NRG1: variants seen among roughly 807,000 people sequenced by gnomAD.
NRG1 encodes the protein neuregulin 1.
NRG1 carries 18 observed loss-of-function variants against 63.8 expected under a neutral mutation model. The observed-to-expected ratio is 0.28, with a 90% CI of 0.19 to 0.42. The LOEUF is 0.42. Among genes scored for constraint, NRG1 ranks in the 10% least tolerant of loss-of-function variants. NRG1 has a pLI of 1.00. For synonymous variants in NRG1, 302 were observed against 301.3 expected (o/e 1.00, Z -0.02); for missense variants, 762 against 814.7 (o/e 0.94, Z 0.79).
intron 1 of NRG1, among the ~76,000 whole-genome samples, chr8:31,752,407 T>C (rs937558445): frequency 1.2e-4 from 18 of 152,006 alleles, no homozygotes; most frequent in Admixed American, 2.6e-4. Context: ...CTGCTTTACA[T>C]TGTCACTGGA....
At chr8:32,295,940 G>GAAAA (rs536209588) in intron 1 of NRG1, among the ~76,000 whole-genome samples, 8 of 128,088 alleles carry the variant, frequency 6.2e-5, no homozygotes, top group East Asian at 4.7e-4. Context: ...AGGTCTCAAG[G>GAAAA]AAAAAAAAAA....
intron 1 of NRG1, among the ~76,000 whole-genome samples, chr8:32,204,117 C>T (rs1186642377): frequency 1.3e-5 from 2 of 152,098 alleles, no homozygotes; most frequent in Non-Finnish European, 2.9e-5. Context: ...ATGGGTATGA[C>T]ATGTTTGAAG....
intron 1 of NRG1, among the ~76,000 whole-genome samples, chr8:31,765,691 A>C (rs1817989531): frequency 6.6e-6 from 1 of 152,148 alleles, no homozygotes; most frequent in South Asian, 2.1e-4. Flanking sequence ...GTTCACCTTA[A>C]ATTTTAAGAC....
intron 1 of NRG1, among the ~76,000 whole-genome samples, chr8:31,784,746 A>T (rs1350324577): frequency 6.6e-6 from 1 of 152,168 alleles, no homozygotes; most frequent in African/African-American, 2.4e-5. Flanking sequence ...GAGGAACCAA[A>T]TGCCTCACCA....
intron 1 of NRG1, among the ~76,000 whole-genome samples, chr8:32,162,843 C>G (rs1009689967): frequency 1.3e-5 from 2 of 152,148 alleles, no homozygotes; most frequent in Admixed American, 1.3e-4. Context: ...CTCCCACCTG[C>G]TGGGTAAAAT....
chr8:32,195,250 A>G (rs966941193), intron 1 of NRG1, among the ~76,000 whole-genome samples: 2 of 152,186 alleles, frequency 1.3e-5, no homozygotes, highest in African/African-American at 2.4e-5. Context: ...CCTGGACAAC[A>G]TGGTGAGATC....
At chr8:32,338,348 T>TAA (rs1399042622) in intron 1 of NRG1, among the ~76,000 whole-genome samples, 1 of 152,206 alleles carries the variant, frequency 6.6e-6, no homozygotes, top group African/African-American at 2.4e-5. Context: ...CACCTTTATG[T>TAA]AACATCTAAA....
chr8:32,628,273 G>A (rs1306249204), intron 5 of NRG1, among the ~76,000 whole-genome samples: 1 of 151,998 alleles, frequency 6.6e-6, no homozygotes, highest in Admixed American at 6.6e-5. Flanking sequence ...TTATTTAAGT[G>A]GCCATAATAG....
chr8:32,162,030 CA>C (rs946214340), intron 1 of NRG1, among the ~76,000 whole-genome samples: 3 of 152,056 alleles, frequency 2.0e-5, no homozygotes, highest in Admixed American at 6.5e-5. Context: ...GAGATTGGTT[CA>C]AAAAATGTAC....
intron 1 of NRG1, among the ~76,000 whole-genome samples, chr8:31,890,095 C>G (rs554091495): frequency 6.6e-6 from 1 of 152,210 alleles, no homozygotes; most frequent in East Asian, 1.9e-4. Flanking sequence ...TGGTCTCTAT[C>G]CAATTGATGT....
intron 1 of NRG1, among the ~76,000 whole-genome samples, chr8:31,899,265 A>G (rs1444639843): frequency 1.3e-5 from 2 of 151,840 alleles, no homozygotes; most frequent in Non-Finnish European, 2.9e-5. Flanking sequence ...CACTGTGCCC[A>G]GCTTATTTAT....
chr8:32,556,239 T>C lies in NRG1; in HGVS notation c.100+7413T>C, dbSNP rs568411409. Among the ~76,000 whole-genome samples, 6 of 152,358 alleles carry C rather than the reference T, an allele frequency of 3.9e-5. No individual in the cohort carries two copies. The South Asian group carries it at 1.2e-3, about 32-fold the overall frequency. ...ATGACAACTTTGAAAAAGAATTATGTACGTTTTTGATAATTAAATAGGATT... is the reference window on the plus strand; with the variant it reads ...ATGACAACTTTGAAAAAGAATTATGCACGTTTTTGATAATTAAATAGGATT... On this transcript the variant is annotated intron_variant, in intron 1 of 11. Transcript: ENST00000356819.
intron 1 of NRG1, among the ~76,000 whole-genome samples, chr8:31,954,803 C>T (rs1403056480): frequency 6.6e-6 from 1 of 152,056 alleles, no homozygotes; most frequent in African/African-American, 2.4e-5. Context: ...AGCGATTTCC[C>T]CTAGAGATCT....
At position 32,259,184 on chromosome 8, in the gene NRG1, C is replaced by T. The variant is rs188782533; in HGVS notation, c.38-336644C>T. Among the ~76,000 whole-genome samples, 236 of 152,304 alleles carry T rather than the reference C, an allele frequency of 1.5e-3. 2 individuals are homozygous for T. The highest frequency in any genetic ancestry group is 1.5e-4 in the Non-Finnish European group (10 of 68,026). ...AAAACCAAGTAAGTTTGAGTTTCTGCAGTTACAAAGTGCTATGGTTTGAAT... is the reference window on the plus strand; with the variant it reads ...AAAACCAAGTAAGTTTGAGTTTCTGTAGTTACAAAGTGCTATGGTTTGAAT... On this transcript the variant is annotated intron_variant, in intron 1 of 10. Transcript: ENST00000519301.
chr8:32,194,989 G>C (rs769872838), intron 1 of NRG1, among the ~76,000 whole-genome samples: 32 of 152,118 alleles, frequency 2.1e-4, no homozygotes, highest in Non-Finnish European at 2.4e-4. Flanking sequence ...TAGAATGATT[G>C]ATTTAGCTAT....
intron 5 of NRG1, among the ~76,000 whole-genome samples, chr8:32,683,465 CCAAA>C (rs1178680365): frequency 6.6e-6 from 1 of 152,162 alleles, no homozygotes; most frequent in East Asian, 1.9e-4. Flanking sequence ...GGTGGAATCA[CCAAA>C]CAGAGTGCAC....
At chr8:31,726,667 G>T (rs1053875379) in intron 1 of NRG1, among the ~76,000 whole-genome samples, 2 of 152,144 alleles carry the variant, frequency 1.3e-5, no homozygotes, top group Non-Finnish European at 2.9e-5. Context: ...AAAAAAGCAT[G>T]TCTGTAGAGC....
chr8:32,328,085 A>G (rs1802218300), intron 1 of NRG1, among the ~76,000 whole-genome samples: 1 of 152,212 alleles, frequency 6.6e-6, no homozygotes, highest in South Asian at 2.1e-4. Flanking sequence ...CATGGCAGAC[A>G]CAGAATGTCC....
chr8:32,200,470 T>C (rs2132291601), intron 1 of NRG1, among the ~76,000 whole-genome samples: 1 of 152,262 alleles, frequency 6.6e-6, no homozygotes, highest in East Asian at 1.9e-4. Context: ...TCTCATTTGC[T>C]CCACTTCCTC....
Sources: gnomAD v4.1 joint callset for allele counts (sites outside exome capture counted in the v4.1 genomes callset) on GRCh38, gnomAD v4.1.1 for gene constraint, MANE v1.5 for transcripts, NCBI Gene and HGNC (gene_info 2026-07-23, HGNC 2026-07-21) for gene names.